TBC1D30: variants seen among roughly 807,000 people sequenced by gnomAD.
The protein encoded by TBC1D30 is TBC1 domain family member 30, also known as TBC1 domain family, member 30.
TBC1D30 carries 31 observed loss-of-function variants against 63.2 expected under a neutral mutation model. The ratio of observed to expected loss-of-function variants is 0.49; its 90% CI spans 0.37 to 0.66. The LOEUF (loss-of-function observed/expected upper bound fraction) is 0.66, where lower values mean the gene tolerates loss of function less well. TBC1D30 is among the 30% of genes least tolerant of loss of function. The pLI is 0.00. For missense variants in TBC1D30, 810 were observed against 953.6 expected (o/e 0.85, Z 1.98); for synonymous variants, 307 against 361.5 (o/e 0.85, Z 1.71).
intron 1 of TBC1D30, among the ~76,000 whole-genome samples, chr12:64,771,362 C>T (rs1270440179): frequency 6.6e-6 from 1 of 152,110 alleles, no homozygotes; most frequent in Non-Finnish European, 1.5e-5. Flanking sequence ...AGATGGAACT[C>T]TTATCCACGA....
At chr12:64,831,603 T>G (rs1483956560) in intron 4 of TBC1D30, among the ~76,000 whole-genome samples, 1 of 152,230 alleles carries the variant, frequency 6.6e-6, no homozygotes, top group African/African-American at 2.4e-5. Context: ...GTCTTTCTTA[T>G]ATACATTCAT....
At chr12:64,872,660 A>C (rs140659840) in intron 11 of TBC1D30, among the ~76,000 whole-genome samples, 2 of 152,332 alleles carry the variant, frequency 1.3e-5, no homozygotes, top group African/African-American at 4.8e-5. Flanking sequence ...GTGCTGCTGC[A>C]TGGGGACTGT....
chr12:64,782,855 A>C (rs1871361785), intron 1 of TBC1D30, among the ~76,000 whole-genome samples: 1 of 152,196 alleles, frequency 6.6e-6, no homozygotes, highest in Non-Finnish European at 1.5e-5. Context: ...AGATGAACAA[A>C]ATGCCATATC....
intron 2 of TBC1D30, among the ~76,000 whole-genome samples, chr12:64,803,979 T>C (rs2136320269): frequency 6.6e-6 from 1 of 152,304 alleles, no homozygotes; most frequent in South Asian, 2.1e-4. Flanking sequence ...CTTGGCAATG[T>C]GGGCTCTTTT....
At chr12:64,771,821 G>A (rs1870915891) in intron 1 of TBC1D30, among the ~76,000 whole-genome samples, 1 of 152,198 alleles carries the variant, frequency 6.6e-6, no homozygotes, top group African/African-American at 2.4e-5. Flanking sequence ...AGGAAAAGTG[G>A]TCTGAGATTA....
At chr12:64,784,883 A>C (rs1016862728) in intron 1 of TBC1D30, among the ~76,000 whole-genome samples, 1 of 146,528 alleles carries the variant, frequency 6.8e-6, no homozygotes, top group Non-Finnish European at 1.5e-5. Context: ...AAAAAAAAAA[A>C]CTGCTGTTGT....
intron 1 of TBC1D30, among the ~76,000 whole-genome samples, chr12:64,772,314 G>T (rs1870935570): frequency 6.6e-6 from 1 of 150,990 alleles, no homozygotes; most frequent in African/African-American, 2.4e-5. Context: ...CCAGCAGAAA[G>T]CATTCATGTT....
At chr12:64,784,405 T>C (rs547445008) in intron 1 of TBC1D30, among the ~76,000 whole-genome samples, 1 of 152,192 alleles carries the variant, frequency 6.6e-6, no homozygotes, top group East Asian at 1.9e-4. Flanking sequence ...CCCCAAAAGT[T>C]GACTTTGATC....
intron 3 of TBC1D30, 130 bp from the exon 4 acceptor site, chr12:64,830,247 A>G (rs963506082): frequency 2.4e-6 from 2 of 847,506 alleles, no homozygotes; most frequent in Non-Finnish European, 3.4e-6. Context: ...GTAGATTTCT[A>G]CTTATGAGCG....
At chr12:64,774,573 A>G (rs1050193179) in intron 1 of TBC1D30, among the ~76,000 whole-genome samples, 1 of 152,238 alleles carries the variant, frequency 6.6e-6, no homozygotes, top group African/African-American at 2.4e-5. Context: ...AGGGAAGCCC[A>G]GCAGACTAAC....
chr12:64,786,621 G>A (rs963867355), intron 2 of TBC1D30, among the ~76,000 whole-genome samples: 2 of 152,234 alleles, frequency 1.3e-5, no homozygotes, highest in South Asian at 2.1e-4. Context: ...GATTACAGGC[G>A]TGAGCCCCTG....
At chr12:64,801,007 C>T (rs1350603573) in intron 2 of TBC1D30, among the ~76,000 whole-genome samples, 1 of 152,116 alleles carries the variant, frequency 6.6e-6, no homozygotes, top group Non-Finnish European at 1.5e-5. Context: ...TTGTTCTGTG[C>T]TCCTCGTACA....
At chr12:64,827,268 G>C (rs1247665638) in intron 1 of TBC1D30, among the ~76,000 whole-genome samples, 1 of 152,136 alleles carries the variant, frequency 6.6e-6, no homozygotes, top group Non-Finnish European at 1.5e-5. Flanking sequence ...TGACCAACAT[G>C]ACGAAACCCT....
Position 64,870,779 on chromosome 12 carries a change from A to G in TBC1D30, c.1469A>G (p.Gln490Arg). ...QYSRIKKKQQ[Q>R]QVHQVYIRAD... Reference sequence around the variant, plus strand: ...TCTCGAATTAAAAAGAAGCAACAGCAGCAGGTTCATCAGGTGTACATCAGG... The same window carrying G: ...TCTCGAATTAAAAAGAAGCAACAGCGGCAGGTTCATCAGGTGTACATCAGG... Residue 490 changes from glutamine (Q) to arginine (R), a missense_variant, in exon 11 of 12, where the codon CAG (glutamine) becomes CGG (arginine). Transcript: ENST00000539867. 1 of 1,536,124 alleles carries G rather than the reference A, an allele frequency of 6.5e-7. No individual in the cohort carries two copies. The highest frequency in any genetic ancestry group is 8.7e-7 in the Non-Finnish European group (1 of 1,146,884).
chr12:64,769,548 T>A (rs1000916239), intron 1 of TBC1D30, among the ~76,000 whole-genome samples: 1 of 151,488 alleles, frequency 6.6e-6, no homozygotes, highest in Admixed American at 6.6e-5. Flanking sequence ...GGCTATTTTT[T>A]TTTTTTTTTT....
intron 11 of TBC1D30, among the ~76,000 whole-genome samples, chr12:64,871,151 A>T (rs1284327921): frequency 6.6e-6 from 1 of 151,224 alleles, no homozygotes; most frequent in Non-Finnish European, 1.5e-5. Flanking sequence ...CATAAATTTT[A>T]TGCATCTGAA....
intron 1 of TBC1D30, among the ~76,000 whole-genome samples, chr12:64,762,712 A>G (rs1043105335): frequency 6.6e-6 from 1 of 152,192 alleles, no homozygotes; most frequent in Non-Finnish European, 1.5e-5. Context: ...TTCCCCTTAC[A>G]TTATATGGCT....
chr12:64,863,549 T>C (rs1276450898), intron 8 of TBC1D30, among the ~76,000 whole-genome samples: 1 of 152,174 alleles, frequency 6.6e-6, no homozygotes, highest in Non-Finnish European at 1.5e-5. Flanking sequence ...CGTGGAGAAT[T>C]GAAGAGAAGG....
intron 10 of TBC1D30, among the ~76,000 whole-genome samples, chr12:64,867,193 T>C (rs1210414692): frequency 6.6e-6 from 1 of 152,036 alleles, no homozygotes; most frequent in Non-Finnish European, 1.5e-5. Flanking sequence ...AGGCTGGGTG[T>C]GGTGGCTCAC....
Sources: gnomAD v4.1 joint callset for allele counts (sites outside exome capture counted in the v4.1 genomes callset) on GRCh38, gnomAD v4.1.1 for gene constraint, MANE v1.5 for transcripts, NCBI Gene and HGNC (gene_info 2026-07-23, HGNC 2026-07-21) for gene names.